AFG2A: variants seen among roughly 807,000 people sequenced by gnomAD.
AFG2A encodes ATPase family gene 2 protein homolog A.
chr4:123,258,063 T>C, the AFG2A span, among the ~76,000 whole-genome samples: 2 of 152,208 alleles, frequency 1.3e-5, no homozygotes, highest in East Asian at 3.9e-4. Context: ...TAGCAGAAAA[T>C]TCTATCTTTC....
the AFG2A span, among the ~76,000 whole-genome samples, chr4:123,228,434 AAAGAT>A: frequency 6.6e-6 from 1 of 151,998 alleles, no homozygotes; most frequent in African/African-American, 2.4e-5. Context: ...GAGAAAAAAA[AAAGAT>A]AAGATACAGA....
At chr4:123,243,197 C>T in the AFG2A span, among the ~76,000 whole-genome samples, 2 of 152,280 alleles carry the variant, frequency 1.3e-5, no homozygotes, top group East Asian at 3.9e-4. Context: ...GGTGATTCCT[C>T]AAGGATCTAG....
chr4:123,059,135 T>TTTTTATTTTATTTTATTTTATTTTA, the AFG2A span, among the ~76,000 whole-genome samples: 14 of 138,368 alleles, frequency 1.0e-4, no homozygotes, highest in Non-Finnish European at 1.6e-4. Flanking sequence ...TTTCTTTTCT[T>TTTTTATTTTATTTTATTTTATTTTA]TTTTATTTTA....
At chr4:122,982,864 CT>C in the AFG2A span, among the ~76,000 whole-genome samples, 398 of 93,732 alleles carry the variant, frequency 4.2e-3, 1 homozygote, top group African/African-American at 0.016. Context: ...TAATCTTCTT[CT>C]TTTTTTTTTT....
At chr4:123,023,853 G>A in the AFG2A span, among the ~76,000 whole-genome samples, 2 of 151,918 alleles carry the variant, frequency 1.3e-5, no homozygotes, top group Non-Finnish European at 2.9e-5. Flanking sequence ...AACAGGCGCC[G>A]AGTTGTCACA....
At chr4:123,096,572 T>A in the AFG2A span, among the ~76,000 whole-genome samples, 10 of 152,074 alleles carry the variant, frequency 6.6e-5, no homozygotes, top group Non-Finnish European at 1.5e-4. Flanking sequence ...TAGTTTTAAT[T>A]CTGTGAATAT....
the AFG2A span, among the ~76,000 whole-genome samples, chr4:123,244,614 T>C: frequency 6.6e-6 from 1 of 152,252 alleles, no homozygotes; most frequent in African/African-American, 2.4e-5. Context: ...AAAAGAAGAC[T>C]TTGAGTCAAC....
chr4:123,208,510 C>T, the AFG2A span, among the ~76,000 whole-genome samples: 222 of 152,300 alleles, frequency 1.5e-3, 5 homozygotes, highest in East Asian at 0.025. Flanking sequence ...CCCATGTAAG[C>T]AGACTATATA....
the AFG2A span, chr4:122,933,326 G>A: frequency 2.5e-6 from 2 of 788,748 alleles, no homozygotes; most frequent in Admixed American, 3.2e-5. Context: ...GTTGCAGGTG[G>A]ATTATTCTTT....
the AFG2A span, among the ~76,000 whole-genome samples, chr4:123,012,398 G>GC: frequency 0.05 from 7,417 of 149,716 alleles, 460 homozygotes; most frequent in African/African-American, 0.15. Flanking sequence ...GGGGATGCTT[G>GC]CCCCCCAGGA....
chr4:122,988,223 T>C, the AFG2A span, among the ~76,000 whole-genome samples: 1 of 151,916 alleles, frequency 6.6e-6, no homozygotes, highest in Non-Finnish European at 1.5e-5. Flanking sequence ...ATTTGTTGAC[T>C]TTTGAGAATA....
chr4:123,187,155 A>C, the AFG2A span, among the ~76,000 whole-genome samples: 1 of 152,124 alleles, frequency 6.6e-6, no homozygotes, highest in Non-Finnish European at 1.5e-5. Flanking sequence ...ATAAATAACC[A>C]CTAAAGGGAG....
chr4:123,152,252 G>A, the AFG2A span, among the ~76,000 whole-genome samples: 4 of 152,048 alleles, frequency 2.6e-5, no homozygotes, highest in Non-Finnish European at 4.4e-5. Context: ...GCACACCTAT[G>A]TAACAAACCT....
the AFG2A span, among the ~76,000 whole-genome samples, chr4:123,170,016 A>C: frequency 6.6e-6 from 1 of 152,176 alleles, no homozygotes; most frequent in Non-Finnish European, 1.5e-5. Context: ...GTAGAAACAG[A>C]GTTAGGGTTC....
At chr4:123,164,343 C>G in the AFG2A span, among the ~76,000 whole-genome samples, 2 of 151,920 alleles carry the variant, frequency 1.3e-5, no homozygotes, top group East Asian at 1.9e-4. Flanking sequence ...AGAGAGGAAA[C>G]TGTATTATTG....
At chr4:122,968,204 T>G in the AFG2A span, among the ~76,000 whole-genome samples, 192 of 152,358 alleles carry the variant, frequency 1.3e-3, 1 homozygote, top group African/African-American at 4.4e-3. Context: ...TCCCTCAATG[T>G]TATTTAAACC....
the AFG2A span, among the ~76,000 whole-genome samples, chr4:123,135,065 T>C: frequency 7.2e-5 from 11 of 152,128 alleles, no homozygotes; most frequent in African/African-American, 2.4e-4. Flanking sequence ...TACCAGTAGA[T>C]CAAGTGGGAT....
the AFG2A span, among the ~76,000 whole-genome samples, chr4:123,119,952 A>G: frequency 6.6e-6 from 1 of 152,138 alleles, no homozygotes. Context: ...ATAAACTTAT[A>G]AAACCATCAG....
the AFG2A span, among the ~76,000 whole-genome samples, chr4:123,296,635 T>G: frequency 2.6e-5 from 4 of 152,210 alleles, no homozygotes; most frequent in Admixed American, 2.6e-4. Context: ...GAGATAGGAT[T>G]ACAGTGTAGA....
Sources: gnomAD v4.1 joint callset for allele counts (sites outside exome capture counted in the v4.1 genomes callset) on GRCh38, gnomAD v4.1.1 for gene constraint, MANE v1.5 for transcripts, NCBI Gene and HGNC (gene_info 2026-07-23, HGNC 2026-07-21) for gene names.